Variants in CNTN4 observed in about 807,000 individuals in gnomAD.
The protein encoded by CNTN4 is contactin-4.
In CNTN4, 77 loss-of-function variants were observed where a neutral mutation model predicts 122.5. The ratio of observed to expected loss-of-function variants is 0.63; its 90% CI spans 0.52 to 0.76. The LOEUF (loss-of-function observed/expected upper bound fraction) is 0.76, where lower values mean the gene tolerates loss of function less well. Among genes scored for constraint, CNTN4 ranks in the 30% least tolerant of loss-of-function variants. The pLI is 0.00. For missense variants in CNTN4, 1,256 were observed against 1,259.1 expected (o/e 1.00, Z 0.04); for synonymous variants, 512 against 447.0 (o/e 1.15, Z -1.83).
At chr3:2,294,056 A>G (rs1313824888) in intron 2 of CNTN4, among the ~76,000 whole-genome samples, 1 of 152,222 alleles carries the variant, frequency 6.6e-6, no homozygotes, top group Non-Finnish European at 1.5e-5. Context: ...CTTATCAGCC[A>G]GCCAGCTTTC....
chr3:2,634,852 T>C (rs1349114404), intron 4 of CNTN4, among the ~76,000 whole-genome samples: 1 of 151,684 alleles, frequency 6.6e-6, no homozygotes, highest in Non-Finnish European at 1.5e-5. Flanking sequence ...TGAGACTCCA[T>C]CTCAAAAAAT....
chr3:2,798,842 C>A (rs1451219999), intron 6 of CNTN4, among the ~76,000 whole-genome samples: 4 of 151,694 alleles, frequency 2.6e-5, no homozygotes, highest in Non-Finnish European at 5.9e-5. Flanking sequence ...TTTTTTTTTC[C>A]TTTGATTATA....
At position 2,209,730 on chromosome 3, in the gene CNTN4, A is replaced by C. The variant is rs376715525; in HGVS notation, c.-145+109091A>C. Among the ~76,000 whole-genome samples, 65 of 152,294 alleles carry C rather than the reference A, an allele frequency of 4.3e-4. No individual in the cohort carries two copies. The East Asian group carries it at 5.6e-3, about 13-fold the overall frequency. ...TAGTAGCTCTATTGATAAAGCTAAA[A>C]TTTAATAACAGAAGTAATAAGTACA... On this transcript the variant is annotated intron_variant, in intron 2 of 24. Coordinates refer to ENST00000418658, the MANE Select transcript of CNTN4 (RefSeq NM_175607.3).
At chr3:2,323,708 TAAA>T (rs1171373394) in intron 2 of CNTN4, among the ~76,000 whole-genome samples, 3 of 152,196 alleles carry the variant, frequency 2.0e-5, no homozygotes, top group African/African-American at 7.2e-5. Flanking sequence ...CTGACTTGAA[TAAA>T]CAAGTACATG....
intron 2 of CNTN4, among the ~76,000 whole-genome samples, chr3:2,116,211 T>C (rs1298485234): frequency 1.3e-5 from 2 of 152,204 alleles, no homozygotes; most frequent in East Asian, 3.9e-4. Flanking sequence ...CCCAGTTTAC[T>C]GTTATCCTCC....
chr3:2,412,717 G>A (rs746903848), intron 3 of CNTN4, among the ~76,000 whole-genome samples: 7 of 150,788 alleles, frequency 4.6e-5, no homozygotes, highest in Non-Finnish European at 7.4e-5. Flanking sequence ...TTTTTTCACT[G>A]CATGTGTGCA....
At chr3:2,637,847 G>T (rs910587255) in intron 4 of CNTN4, among the ~76,000 whole-genome samples, 4 of 151,960 alleles carry the variant, frequency 2.6e-5, no homozygotes, top group African/African-American at 9.7e-5. Context: ...GATTACAGAC[G>T]CTTCCCTTGA....
chr3:3,003,687 A>G (rs58926070), intron 14 of CNTN4, among the ~76,000 whole-genome samples: 127 of 100,380 alleles, frequency 1.3e-3, no homozygotes, highest in Middle Eastern at 4.7e-3. Context: ...GTTGCACCAA[A>G]AAAAAAAAAA....
chr3:2,783,583 G>A (rs771182366), intron 6 of CNTN4, among the ~76,000 whole-genome samples: 1 of 152,192 alleles, frequency 6.6e-6, no homozygotes, highest in Non-Finnish European at 1.5e-5. Context: ...TTTCTCAGCA[G>A]GATCCAGCTT....
chr3:2,353,898 C>CA (rs907358740), intron 3 of CNTN4, among the ~76,000 whole-genome samples: 6 of 150,060 alleles, frequency 4.0e-5, no homozygotes, highest in South Asian at 2.1e-4. Flanking sequence ...GACTCCGTCT[C>CA]AAAAAAAACA....
chr3:2,909,896 A>G (rs1037796135), intron 12 of CNTN4, among the ~76,000 whole-genome samples: 2 of 152,216 alleles, frequency 1.3e-5, no homozygotes, highest in African/African-American at 2.4e-5. Flanking sequence ...TTTGAGAACC[A>G]CTATCCTAAA....
chr3:2,349,801 C>T (rs925657386), intron 3 of CNTN4, among the ~76,000 whole-genome samples: 11 of 152,024 alleles, frequency 7.2e-5, no homozygotes, highest in African/African-American at 2.7e-4. Flanking sequence ...TACTAATGGA[C>T]CTATATAACA....
At chr3:2,286,885 C>T (rs1243393136) in intron 2 of CNTN4, among the ~76,000 whole-genome samples, 3 of 152,122 alleles carry the variant, frequency 2.0e-5, no homozygotes, top group Non-Finnish European at 4.4e-5. Context: ...AGCATGGCAT[C>T]ATTATATACA....
chr3:3,009,667 T>C (rs1697023582), intron 14 of CNTN4, among the ~76,000 whole-genome samples: 1 of 152,086 alleles, frequency 6.6e-6, no homozygotes, highest in Admixed American at 6.5e-5. Flanking sequence ...TCTCCTGACC[T>C]CGTGATCTGC....
Position 2,416,536 on chromosome 3 carries a change from T to G in CNTN4, c.-89+77303T>G, listed in dbSNP as rs73804528. Among the ~76,000 whole-genome samples, 876 of 152,326 alleles carry G rather than the reference T, an allele frequency of 5.8e-3. 6 individuals carry two copies. The highest frequency in any genetic ancestry group is 0.02 in the African/African-American group (845 of 41,574). ...AAAATGGAATATTGAGCTTCATTAGTGGATATTACATTTGTTGACTCTTCA... is the reference window on the plus strand; with the variant it reads ...AAAATGGAATATTGAGCTTCATTAGGGGATATTACATTTGTTGACTCTTCA... On this transcript the variant is annotated intron_variant, in intron 3 of 24. Transcript: ENST00000418658.
Position 2,148,685 on chromosome 3 carries a change from T to C in CNTN4, c.-145+48046T>C, listed in dbSNP as rs140122168. Among the ~76,000 whole-genome samples the C allele has an allele frequency of 8.9e-3, 1,362 of 152,264 alleles. 14 individuals carry two copies. Among genetic ancestry groups the C allele is most frequent in the Non-Finnish European group, 0.015 (990 of 68,020 alleles). On this transcript the variant is annotated intron_variant, in intron 2 of 24. Coordinates refer to ENST00000418658, the MANE Select transcript of CNTN4 (RefSeq NM_175607.3). ...TCTTATGAGGCTTGATAAATGGACTTAATAATTATCAGATGACGAAATTAA... is the reference window on the plus strand; with the variant it reads ...TCTTATGAGGCTTGATAAATGGACTCAATAATTATCAGATGACGAAATTAA...
intron 8 of CNTN4, among the ~76,000 whole-genome samples, chr3:2,871,066 G>A (rs983194906): frequency 1.9e-4 from 29 of 152,072 alleles, no homozygotes; most frequent in African/African-American, 5.8e-4. Flanking sequence ...TGTCTCCTAT[G>A]TGGGGCCAGG....
At chr3:2,384,411 C>T (rs1353897530) in intron 3 of CNTN4, among the ~76,000 whole-genome samples, 1 of 152,092 alleles carries the variant, frequency 6.6e-6, no homozygotes, top group Non-Finnish European at 1.5e-5. Flanking sequence ...ACTCGCAGCA[C>T]ATAAATCCGC....
intron 3 of CNTN4, among the ~76,000 whole-genome samples, chr3:2,439,161 T>C (rs1380103306): frequency 6.6e-6 from 1 of 152,170 alleles, no homozygotes. Flanking sequence ...AAGATAACTT[T>C]TATATTAGAG....
Sources: allele counts gnomAD v4.1 joint callset (sites outside exome capture counted in the v4.1 genomes callset), GRCh38; gene constraint gnomAD v4.1.1; transcripts MANE v1.5; gene names NCBI Gene and HGNC (gene_info 2026-07-23, HGNC 2026-07-21).